MIEF1: variants seen among roughly 807,000 people sequenced by gnomAD.
MIEF1 encodes mitochondrial elongation factor 1, also known as mitochondrial dynamics protein MIEF1.
A neutral mutation model predicts 35.1 loss-of-function variants in MIEF1; 14 were observed. That is an observed-to-expected ratio of 0.40 (90% CI 0.26 to 0.62). The LOEUF (loss-of-function observed/expected upper bound fraction) is 0.62. Among genes scored for constraint, MIEF1 ranks in the 20% least tolerant of loss-of-function variants. The pLI is 0.43. For synonymous variants in MIEF1, 245 were observed against 254.3 expected, an observed-to-expected ratio of 0.96 and a Z score of 0.35; for missense variants, 542 against 615.4, an observed-to-expected ratio of 0.88 and a Z score of 1.26.
At chr22:39,502,743 C>T (rs560914993) in intron 1 of MIEF1, among the ~76,000 whole-genome samples, 95 of 152,366 alleles carry the variant, frequency 6.2e-4, no homozygotes, top group African/African-American at 2.2e-3. Context: ...GCCGCCCAGT[C>T]GCCCAGCGAC....
chr22:39,515,671 G>A lies in MIEF1; in HGVS notation c.*1348G>A, dbSNP rs1930629849. ...ATTGCAATGTAAATGTATCCTGAAGGTGGGGAGGAATGTTTAATCTACCAT... is the reference window on the plus strand; with the variant it reads ...ATTGCAATGTAAATGTATCCTGAAGATGGGGAGGAATGTTTAATCTACCAT... On this transcript the variant is annotated 3_prime_UTR_variant, in exon 6 of 6. Coordinates refer to ENST00000325301, the MANE Select transcript of MIEF1 (RefSeq NM_019008.6). 8.9e-6 allele frequency: 3 copies of A among 338,578 alleles called. No individual in the cohort carries two copies. Among genetic ancestry groups the A allele is most frequent in the African/African-American group, 6.3e-5 (3 of 47,646 alleles). 21.0% of individuals were successfully genotyped at this position (338,578 alleles called of 1,614,324 possible). A position where few individuals can be genotyped will look rare whatever the true frequency, so the allele number is the denominator to read the frequency against.
chr22:39,508,144 A>G (rs557080680), intron 2 of MIEF1, among the ~76,000 whole-genome samples: 1 of 152,352 alleles, frequency 6.6e-6, no homozygotes, highest in East Asian at 1.9e-4. Context: ...TTTCCTCACT[A>G]CAACCCTGTG....
chr22:39,511,226 G>C (rs1930312719), intron 2 of MIEF1, 62 bp from the exon 3 acceptor site: 4 of 1,604,942 alleles, frequency 2.5e-6, no homozygotes, highest in South Asian at 1.1e-5. Flanking sequence ...GGTTTGGCTT[G>C]TTAGGGGAGG....
At chr22:39,503,818 C>T (rs1403656782) in intron 1 of MIEF1, 1 of 154,478 alleles carries the variant, frequency 6.5e-6, no homozygotes, top group South Asian at 2.1e-4. Flanking sequence ...TAGATCACCC[C>T]CTGTGGTGAA....
intron 5 of MIEF1, among the ~76,000 whole-genome samples, 166 bp from the exon 6 acceptor site, chr22:39,513,351 G>T (rs955945737): frequency 6.6e-6 from 1 of 152,118 alleles, no homozygotes; most frequent in Non-Finnish European, 1.5e-5. Context: ...TGAGCCAGCC[G>T]CCTCAGCTTC....
chr22:39,506,138 T>C (rs913856003), intron 2 of MIEF1, among the ~76,000 whole-genome samples: 5 of 151,938 alleles, frequency 3.3e-5, no homozygotes, highest in Non-Finnish European at 5.9e-5. Flanking sequence ...TGGCTGTGAG[T>C]TGGGCTACAC....
chr22:39,510,793 AC>A (rs1178446881), intron 2 of MIEF1, among the ~76,000 whole-genome samples: 1 of 149,404 alleles, frequency 6.7e-6, no homozygotes, highest in African/African-American at 2.5e-5. Flanking sequence ...CTGCATTATA[AC>A]CCCTGTGAAG....
chr22:39,512,591 G>C, intron 5 of MIEF1, 97 bp downstream of exon 5: 1 of 1,449,536 alleles, frequency 6.9e-7, no homozygotes, highest in Non-Finnish European at 9.2e-7. Context: ...GAAAGACTGA[G>C]GTCTTACAGC....
In MIEF1 at chr22:39,514,930, C is replaced by A. The variant is rs994460727; in HGVS notation, c.*607C>A. 4 of 319,928 alleles carry A rather than the reference C, an allele frequency of 1.3e-5. No individual in the cohort carries two copies. The highest frequency in any genetic ancestry group is 4.3e-5 in the African/African-American group (2 of 46,754). The allele number at this position is 319,928 out of a possible 1,614,324, so 19.8% of individuals were successfully genotyped here. A position where few individuals can be genotyped will look rare whatever the true frequency, so the allele number is the denominator to read the frequency against. ...CCTGGAGTAGAAGTCCATCCTCCCC[C>A]CAACCTCCTGACCCATTCATAAATG... On this transcript the variant is annotated 3_prime_UTR_variant, in exon 6 of 6. Coordinates refer to ENST00000325301, the MANE Select transcript of MIEF1 (RefSeq NM_019008.6).
chr22:39,504,599 A>G (rs1189046325), intron 2 of MIEF1, 65 bp downstream of exon 2: 1 of 392,662 alleles, frequency 2.5e-6, no homozygotes, highest in Non-Finnish European at 4.5e-6. Flanking sequence ...GAAAAGGATC[A>G]AAGTCATCCT....
upstream of MIEF1, chr22:39,500,485 GAGGTC>G (rs959749815): frequency 2.0e-5 from 3 of 150,616 alleles, no homozygotes; most frequent in African/African-American, 7.3e-5. Flanking sequence ...GAGATATGAA[GAGGTC>G]ATCTGGTATG....
upstream of MIEF1, among the ~76,000 whole-genome samples, chr22:39,500,950 G>A (rs1490415933): frequency 6.6e-6 from 1 of 152,098 alleles, no homozygotes; most frequent in Non-Finnish European, 1.5e-5. Context: ...GCCCACCTCA[G>A]CCTCCCAAAG....
At position 39,507,318 on chromosome 22, in the gene MIEF1, T is replaced by C. The variant is rs1288436938; in HGVS notation, c.-8+2784T>C. The stretch of plus-strand genomic sequence containing the variant: ...GGAGTGCAGTGGGTGCAATCTTGGC[T>C]CACTGCAACCTCTGCCTCCCGACTT... On this transcript the variant is annotated intron_variant, in intron 2 of 5. Transcript: ENST00000325301. Among the ~76,000 whole-genome samples, 3 of 152,066 alleles carry C rather than the reference T, an allele frequency of 2.0e-5. No homozygotes were observed. In the East Asian group the frequency reaches 5.9e-4, roughly 30 times the overall value.
intron 2 of MIEF1, chr22:39,509,669 T>TA (rs1886032347): frequency 6.6e-6 from 1 of 152,258 alleles, no homozygotes; most frequent in Non-Finnish European, 1.5e-5. Context: ...TTGTGTTTTT[T>TA]ATCTCCCGGT....
intron 2 of MIEF1, chr22:39,504,791 G>C (rs1929933940): frequency 5.6e-6 from 1 of 177,802 alleles, no homozygotes. Flanking sequence ...TGGGGTGGGG[G>C]GGAAAAAAGA....
Position 39,504,268 on chromosome 22 carries a change from A to C in MIEF1, c.-274A>C, listed in dbSNP as rs1017471026. 2.5e-6 allele frequency: 1 copy of C among 398,976 alleles called. No individual in the cohort carries two copies. The highest frequency in any genetic ancestry group is 4.4e-6 in the Non-Finnish European group (1 of 226,126). 24.7% of individuals were successfully genotyped at this position (398,976 alleles called of 1,614,324 possible). On this transcript the variant is annotated 5_prime_UTR_variant, in exon 2 of 6. Coordinates refer to ENST00000325301, the MANE Select transcript of MIEF1 (RefSeq NM_019008.6). ...AGCCGAGAGGCGGTGCTGAGTCTCT[A>C]TCGGGCTCTGTTGCGCCAGGGCCGA... is the stretch of plus-strand genomic sequence containing the variant.
At chr22:39,502,048 T>A (rs1283314941), upstream of MIEF1, 1 of 152,354 alleles carries the variant, frequency 6.6e-6, no homozygotes, top group Non-Finnish European at 1.5e-5. Context: ...TGCGGCAGCC[T>A]TGTTGGACAG....
intron 3 of MIEF1, 42 bp downstream of exon 3, chr22:39,511,480 ATGG>A: frequency 6.6e-7 from 1 of 1,508,410 alleles, no homozygotes; most frequent in Non-Finnish European, 8.9e-7. Context: ...ATGTAGTGGT[ATGG>A]TCATAAGATG....
Position 39,513,608 on chromosome 22 carries a change from A to G in MIEF1, c.677A>G (p.Asn226Ser), listed in dbSNP as rs1569020015. Reference protein sequence around the residue: ...SCIPGEDTIMNVPGFFLVRRE... With the variant: ...SCIPGEDTIMSVPGFFLVRRE... ...ATTCCTGGTGAAGACACCATCATGA[A>G]TGTCCCTGGCTTCTTCCTGGTGCGT... Residue 226 changes from asparagine (N) to serine (S), a missense_variant, in exon 6 of 6, where the codon AAT becomes AGT. By Grantham distance (46) the Asn-to-Ser change is conservative (BLOSUM62 1). Coordinates refer to ENST00000325301, the MANE Select transcript of MIEF1 (RefSeq NM_019008.6). 6.2e-7 allele frequency: 1 copy of G among 1,614,182 alleles called. No individual in the cohort carries two copies.
Sources: allele counts gnomAD v4.1 joint callset (sites outside exome capture counted in the v4.1 genomes callset), GRCh38; gene constraint gnomAD v4.1.1; transcripts MANE v1.5; gene names NCBI Gene and HGNC (gene_info 2026-07-23, HGNC 2026-07-21).